Variants in CFAP70 observed in about 807,000 individuals in gnomAD.
The protein encoded by CFAP70 is cilia and flagella associated protein 70.
A neutral mutation model predicts 137.6 loss-of-function variants in CFAP70; 81 were observed. The observed-to-expected ratio is 0.59, with a 90% CI of 0.49 to 0.71. The LOEUF (loss-of-function observed/expected upper bound fraction) is 0.71. CFAP70 is among the 30% of genes least tolerant of loss of function. The pLI, the probability that CFAP70 is intolerant of heterozygous loss-of-function variation, is 0.00. For synonymous variants in CFAP70, 382 were observed against 423.6 expected (o/e 0.90, Z 1.20); for missense variants, 976 against 1,226.7 (o/e 0.80, Z 3.05).
At chr10:73,310,920 G>C (rs2049860921) in intron 11 of CFAP70, among the ~76,000 whole-genome samples, 1 of 152,026 alleles carries the variant, frequency 6.6e-6, no homozygotes, top group Non-Finnish European at 1.5e-5. Context: ...AAATAAAACT[G>C]TCATCAACAC....
intron 7 of CFAP70, among the ~76,000 whole-genome samples, chr10:73,332,006 C>A (rs1230110372): frequency 6.6e-6 from 1 of 152,042 alleles, no homozygotes; most frequent in African/African-American, 2.4e-5. Flanking sequence ...AAAAGTTGAT[C>A]GAATTGAAAT....
exon 15 of CFAP70, chr10:73,297,105 A>C (rs6480692): frequency 0.083 from 134,707 of 1,613,508 alleles, 8,445 homozygotes; most frequent in East Asian, 0.29. Flanking sequence ...TAAATGTCTG[A>C]AGTTCCTCCT....
intron 12 of CFAP70, among the ~76,000 whole-genome samples, chr10:73,300,678 C>G (rs1458393998): frequency 2.0e-5 from 3 of 152,042 alleles, no homozygotes; most frequent in East Asian, 3.9e-4. Flanking sequence ...GCCTGAGAAA[C>G]ATAGTGAAAT....
chr10:73,257,561 T>C (rs2044648771), intron 25 of CFAP70, among the ~76,000 whole-genome samples: 1 of 152,180 alleles, frequency 6.6e-6, no homozygotes, highest in Non-Finnish European at 1.5e-5. Flanking sequence ...TCTAGTCCAA[T>C]TTTCTGATTA....
intron 12 of CFAP70, among the ~76,000 whole-genome samples, chr10:73,303,439 C>T (rs1564811598): frequency 6.6e-6 from 1 of 151,500 alleles, no homozygotes; most frequent in South Asian, 2.1e-4. Context: ...AGGATGGTCT[C>T]GATCTTTTGA....
rs772192007 is a variant in CFAP70, at chr10:73,278,207, T to C, written c.2370A>G (p.Thr790=). The C allele has an allele frequency of 4.3e-5, 69 of 1,613,942 alleles. No homozygotes were observed. In the East Asian group the frequency reaches 1.5e-3, roughly 35 times the overall value. ...TCTTTGTTGGTATCTCCTTGATAAA[T>C]GTGTTAGATGGTTTTTGGCTTATAC... Residue 790 remains threonine, a synonymous_variant, in exon 20 of 27, where the codon ACA becomes ACG. Transcript: ENST00000310715.
upstream of CFAP70, among the ~76,000 whole-genome samples, chr10:73,361,424 G>A (rs1002758532): frequency 1.3e-5 from 2 of 151,236 alleles, no homozygotes; most frequent in Admixed American, 6.6e-5. Flanking sequence ...TCCCGTGTGT[G>A]TGTGTGTTAC....
At chr10:73,330,012 C>T (rs1346548061) in intron 8 of CFAP70, among the ~76,000 whole-genome samples, 3 of 151,936 alleles carry the variant, frequency 2.0e-5, no homozygotes, top group Admixed American at 6.6e-5. Flanking sequence ...ATTTTAACAG[C>T]GTTTTAAATG....
At position 73,254,062 on chromosome 10, in the gene CFAP70, G is replaced by A. The variant is rs576935090; in HGVS notation, c.3076-7C>T. 38 of 1,585,172 alleles carry A rather than the reference G, an allele frequency of 2.4e-5. No homozygotes were observed. In the South Asian group the frequency reaches 4.0e-4, roughly 17 times the overall value. ...CCTCATCTTTCAATTTCAGCTACAT[G>A]AAAGAGGAAGAAAGGGAAAGATATA... On this transcript the variant is annotated splice_polypyrimidine_tract_variant and splice_region_variant and intron_variant, in intron 26 of 26. Coordinates refer to ENST00000310715, the Ensembl canonical transcript of CFAP70.
At chr10:73,353,669 G>C in exon 3 of CFAP70, 1 of 1,614,122 alleles carries the variant, frequency 6.2e-7, no homozygotes, top group Non-Finnish European at 8.5e-7. Flanking sequence ...AGTAATTTTT[G>C]CAGAGTCTCC....
chr10:73,296,934 G>A, intron 15 of CFAP70, 108 bp downstream of exon 16: 1 of 1,340,870 alleles, frequency 7.5e-7, no homozygotes, highest in South Asian at 1.4e-5. Flanking sequence ...CTAGCACAGA[G>A]CAGACACTTC....
At chr10:73,301,859 A>G (rs1056315927) in intron 12 of CFAP70, among the ~76,000 whole-genome samples, 5 of 152,238 alleles carry the variant, frequency 3.3e-5, no homozygotes, top group African/African-American at 9.6e-5. Flanking sequence ...ACACCCAATC[A>G]TCACGCTTAT....
chr10:73,324,052 T>C (rs558305942), intron 8 of CFAP70, among the ~76,000 whole-genome samples: 21 of 152,332 alleles, frequency 1.4e-4, no homozygotes, highest in African/African-American at 5.0e-4. Context: ...CCCTGACCCC[T>C]GACCCCCGAG....
intron 6 of CFAP70, among the ~76,000 whole-genome samples, chr10:73,336,308 A>C (rs2034850579): frequency 6.6e-6 from 1 of 152,188 alleles, no homozygotes. Context: ...GAAACATAAA[A>C]TATAATTTGA....
At chr10:73,328,726 A>G (rs1190736586) in intron 8 of CFAP70, among the ~76,000 whole-genome samples, 12 of 149,008 alleles carry the variant, frequency 8.1e-5, no homozygotes, top group African/African-American at 2.7e-4. Context: ...GCAGCCAAAA[A>G]ACACATGAAA....
chr10:73,274,437 T>G (rs1188562233), exon 23 of CFAP70: 3 of 1,609,872 alleles, frequency 1.9e-6, no homozygotes, highest in Non-Finnish European at 2.5e-6. Flanking sequence ...CCTCACCTCT[T>G]TCTCTTCCAG....
chr10:73,348,496 C>T (rs780615351), exon 4 of CFAP70: 5 of 1,519,424 alleles, frequency 3.3e-6, no homozygotes, highest in Middle Eastern at 1.8e-4. Flanking sequence ...GTTTCTTTTC[C>T]TTTGGTAAAA....
intron 19 of CFAP70, among the ~76,000 whole-genome samples, chr10:73,286,167 T>C (rs2047689935): frequency 6.6e-6 from 1 of 151,930 alleles, no homozygotes; most frequent in African/African-American, 2.4e-5. Flanking sequence ...ATCCTTGGCC[T>C]GGCGCGGTGG....
rs183466684 is a variant in CFAP70, at chr10:73,297,829, G to A, written c.1513-656C>T. 2.6e-5 allele frequency among the ~76,000 whole-genome samples: 4 copies of A among 152,236 alleles called. No individual in the cohort carries two copies. The East Asian group carries it at 7.7e-4, about 29-fold the overall frequency. ...TTATTTAATTCTCATATGACCTTATGTGATAATATTAACCTCATCCCTGTT... is the reference window on the plus strand; with the variant it reads ...TTATTTAATTCTCATATGACCTTATATGATAATATTAACCTCATCCCTGTT... On this transcript the variant is annotated intron_variant, in intron 14 of 26. Coordinates refer to ENST00000310715, the Ensembl canonical transcript of CFAP70.
Sources: gnomAD v4.1 joint callset for allele counts (sites outside exome capture counted in the v4.1 genomes callset) on GRCh38, gnomAD v4.1.1 for gene constraint, MANE v1.5 for transcripts, NCBI Gene and HGNC (gene_info 2026-07-23, HGNC 2026-07-21) for gene names.